The following SPAG1 variants were observed in gnomAD, a reference collection of about 807,000 sequenced individuals.
SPAG1 encodes the protein sperm associated antigen 1.
Under a neutral mutation model 100.5 loss-of-function variants are expected in SPAG1, and 69 were observed. The observed-to-expected ratio is 0.69, with a 90% CI of 0.57 to 0.84. The LOEUF is 0.84. Among genes scored for constraint, SPAG1 ranks in the 40% least tolerant of loss-of-function variants. SPAG1 has a pLI of 0.00. For missense variants in SPAG1, 955 were observed against 1,133.1 expected, an observed-to-expected ratio of 0.84 and a Z score of 2.26; for synonymous variants, 336 against 411.6, an observed-to-expected ratio of 0.82 and a Z score of 2.22.
chr8:100,181,163 TG>T (rs1439531039), intron 4 of SPAG1, among the ~76,000 whole-genome samples: 1 of 152,254 alleles, frequency 6.6e-6, no homozygotes, highest in African/African-American at 2.4e-5. Flanking sequence ...TCATGTATAC[TG>T]AGTCCATGTC....
At position 100,233,466 on chromosome 8, in the gene SPAG1, C is replaced by G. The variant is rs1223564832; in HGVS notation, c.2044C>G (p.Gln682Glu). Residue 682 changes from glutamine to glutamate, a missense_variant, in exon 16 of 19, where the codon CAG (glutamine) becomes GAG (glutamate). By Grantham distance (29) the Gln-to-Glu change is conservative. Coordinates refer to ENST00000388798, the MANE Select transcript of SPAG1 (RefSeq NM_003114.5). ...QFEEAKQDCD[Q>E]ALQLADGNVK... Reference sequence around the variant, plus strand: ...TGAAGAAGCAAAGCAGGACTGTGATCAGGCACTTCAGCTAGCTGATGGGAA... The same window carrying G: ...TGAAGAAGCAAAGCAGGACTGTGATGAGGCACTTCAGCTAGCTGATGGGAA... 1.9e-6 allele frequency: 3 copies of G among 1,613,962 alleles called. No individual in the cohort carries two copies. The highest frequency in any genetic ancestry group is 3.3e-5 in the Admixed American group (2 of 60,008).
At chr8:100,185,091 A>AG (rs1403379662) in intron 7 of SPAG1, 7 of 208,110 alleles carry the variant, frequency 3.4e-5, no homozygotes, top group African/African-American at 1.7e-4. Context: ...TTCCTACCAC[A>AG]GGGCCTTTGC....
chr8:100,180,523 A>T (rs1816323388), intron 4 of SPAG1, among the ~76,000 whole-genome samples: 1 of 152,168 alleles, frequency 6.6e-6, no homozygotes, highest in Non-Finnish European at 1.5e-5. Flanking sequence ...TCTATTAACA[A>T]TTCATGAATC....
At chr8:100,216,377 T>A (rs1422852699) in intron 12 of SPAG1, among the ~76,000 whole-genome samples, 1 of 152,158 alleles carries the variant, frequency 6.6e-6, no homozygotes, top group Non-Finnish European at 1.5e-5. Context: ...AAGAGTGGAT[T>A]TGTGTTGTCC....
At chr8:100,225,092 C>A in intron 13 of SPAG1, 81 bp from the exon 14 acceptor site, 1 of 1,199,810 alleles carries the variant, frequency 8.3e-7, no homozygotes, top group Non-Finnish European at 1.2e-6. Flanking sequence ...ATAGCATTTG[C>A]AAATTTTATT....
intron 14 of SPAG1, among the ~76,000 whole-genome samples, chr8:100,228,587 C>T (rs999301055): frequency 7.2e-5 from 11 of 151,848 alleles, no homozygotes; most frequent in Non-Finnish European, 1.0e-4. Flanking sequence ...GTAGCATGCC[C>T]CTGTAGTCCC....
At position 100,231,544 on chromosome 8, in the gene SPAG1, G is replaced by C. The variant is rs573241101; in HGVS notation, c.1988+256G>C. 3.3e-5 allele frequency among the ~76,000 whole-genome samples: 5 copies of C among 152,304 alleles called. No homozygotes were observed. In the South Asian group the frequency reaches 1.0e-3, roughly 32 times the overall value. On this transcript the variant is annotated intron_variant, in intron 15 of 18. Coordinates refer to ENST00000388798, the MANE Select transcript of SPAG1 (RefSeq NM_003114.5). ...TTTGTGCCACCAGGTTCCCAAAAGCGACCATGGCTGCTTTGGCTTGTGCAA... is the reference window on the plus strand; with the variant it reads ...TTTGTGCCACCAGGTTCCCAAAAGCCACCATGGCTGCTTTGGCTTGTGCAA...
In SPAG1 at chr8:100,220,402, A is replaced by C. The variant is rs1446876615; in HGVS notation, c.1659A>C (p.Gly553=). The part of the protein sequence containing the change: ...DYKTVLQIDC[G]LQLANDSVNR... Reference sequence around the variant, plus strand: ...AAACAGTGTTGCAGATAGACTGTGGACTCCAGCTAGCAAATGACAGTGTTA... The same window carrying C: ...AAACAGTGTTGCAGATAGACTGTGGCCTCCAGCTAGCAAATGACAGTGTTA... Residue 553 remains glycine, a synonymous_variant, in exon 13 of 19, where the codon GGA becomes GGC. Transcript: ENST00000388798. 1 of 1,613,246 alleles carries C rather than the reference A, an allele frequency of 6.2e-7. No homozygotes were observed. The highest frequency in any genetic ancestry group is 8.5e-7 in the Non-Finnish European group (1 of 1,179,790).
intron 1 of SPAG1, among the ~76,000 whole-genome samples, chr8:100,159,883 G>A (rs527675574): frequency 1.1e-4 from 16 of 152,250 alleles, no homozygotes; most frequent in African/African-American, 3.4e-4. Context: ...TTCACATGTC[G>A]ACTTGCTCAT....
intron 3 of SPAG1, among the ~76,000 whole-genome samples, chr8:100,177,268 G>A (rs1376169598): frequency 6.6e-6 from 1 of 152,194 alleles, no homozygotes; most frequent in Non-Finnish European, 1.5e-5. Flanking sequence ...TGCTCCTGCA[G>A]AGATGACTAG....
intron 15 of SPAG1, among the ~76,000 whole-genome samples, chr8:100,232,023 A>G (rs917670455): frequency 2.0e-5 from 3 of 152,032 alleles, no homozygotes; most frequent in African/African-American, 7.3e-5. Context: ...TGCTGCGGGA[A>G]GGCACCAGCG....
chr8:100,239,360 C>T lies in SPAG1; in HGVS notation c.2236C>T (p.Pro746Ser), dbSNP rs758513200. The T allele has an allele frequency of 1.2e-6, 2 of 1,605,280 alleles. No individual in the cohort carries two copies. The highest frequency in any genetic ancestry group is 1.7e-5 in the Admixed American group (1 of 59,728). ...RLLNLKDKTA[P>S]FNKEKERRKI... ...CCTTAATCTTAAGGATAAGACAGCA[C>T]CATTCAACAAAGAAAAGGAGAGAAG... The change falls in exon 17 of 19, where the codon CCA (proline) becomes TCA (serine). Residue 746 changes from proline (P) to serine (S), a missense_variant. Transcript: ENST00000388798. The surrounding 1 kb of genome is among the most constrained non-coding windows in gnomAD (Gnocchi z 5.0).
intron 6 of SPAG1, 144 bp downstream of exon 6, chr8:100,184,206 A>T: frequency 2.2e-6 from 1 of 445,302 alleles, no homozygotes; most frequent in East Asian, 3.7e-5. Context: ...TTGACCACTC[A>T]ACAAATTCAC....
At chr8:100,208,421 A>G (rs2132334801) in intron 10 of SPAG1, among the ~76,000 whole-genome samples, 1 of 152,316 alleles carries the variant, frequency 6.6e-6, no homozygotes, top group African/African-American at 2.4e-5. Context: ...CAATAGCCCA[A>G]CCCAGCCAGG....
At position 100,213,222 on chromosome 8, in the gene SPAG1, C is replaced by G. The variant is rs971341609; in HGVS notation, c.1229C>G (p.Pro410Arg). The G allele has an allele frequency of 7.2e-6, 10 of 1,393,010 alleles. No homozygotes were observed. The African/African-American group carries it at 1.1e-4, about 15-fold the overall frequency. 86.3% of individuals were successfully genotyped at this position (1,393,010 alleles called of 1,614,324 possible). ...GGCGCGCCGCAGCGGGGCCAGACCCCGGAGGCCGGCGCGGACAAGCGGAGC... is the reference window on the plus strand; with the variant it reads ...GGCGCGCCGCAGCGGGGCCAGACCCGGGAGGCCGGCGCGGACAAGCGGAGC... The part of the protein sequence containing the change: ...ARGAPQRGQT[P>R]EAGADKRSPR... The change falls in exon 11 of 19, where the codon CCG (proline) becomes CGG (arginine). Residue 410 changes from proline to arginine, a missense_variant. Physicochemically the swap from Pro to Arg is moderately radical, Grantham distance 103. Transcript: ENST00000388798.
intron 3 of SPAG1, among the ~76,000 whole-genome samples, chr8:100,171,089 A>G (rs2132218427): frequency 6.6e-6 from 1 of 152,250 alleles, no homozygotes; most frequent in East Asian, 1.9e-4. Flanking sequence ...CTTTTTCTGC[A>G]TTTATTGAGA....
intron 12 of SPAG1, 31 bp downstream of exon 12, chr8:100,213,949 G>A (rs770599945): frequency 1.6e-6 from 2 of 1,272,064 alleles, no homozygotes; most frequent in Admixed American, 3.7e-5. Context: ...TTTGTCAAGA[G>A]ATTGTTATAA....
intron 13 of SPAG1, among the ~76,000 whole-genome samples, chr8:100,221,384 G>A (rs546718416): frequency 2.0e-5 from 3 of 152,242 alleles, no homozygotes; most frequent in East Asian, 1.9e-4. Flanking sequence ...TACCCCCAGC[G>A]TGAGAATGGG....
chr8:100,238,455 G>A (rs1045522582), intron 16 of SPAG1, among the ~76,000 whole-genome samples: 13 of 152,112 alleles, frequency 8.5e-5, no homozygotes, highest in Admixed American at 8.5e-4. Flanking sequence ...ACTTGAAGAG[G>A]TTACACATCC....
Sources: allele counts gnomAD v4.1 joint callset (sites outside exome capture counted in the v4.1 genomes callset), GRCh38; gene constraint gnomAD v4.1.1; non-coding constraint Gnocchi (gnomAD v3.1); transcripts MANE v1.5; gene names NCBI Gene and HGNC (gene_info 2026-07-23, HGNC 2026-07-21).